GPATCH8: variants seen among roughly 807,000 people sequenced by gnomAD.
The protein encoded by GPATCH8 is G patch domain-containing protein 8.
GPATCH8 carries 18 observed loss-of-function variants against 118.3 expected under a neutral mutation model. That is an observed-to-expected ratio of 0.15 (90% CI 0.11 to 0.23). The LOEUF is 0.23. Among genes scored for constraint, GPATCH8 ranks in the 10% least tolerant of loss-of-function variants. The pLI is 1.00. For synonymous variants in GPATCH8, 659 were observed against 684.7 expected (o/e 0.96, Z 0.59); for missense variants, 1,631 against 1,873.8 (o/e 0.87, Z 2.39).
intron 3 of GPATCH8, among the ~76,000 whole-genome samples, chr17:44,453,971 G>C (rs760131379): frequency 2.6e-5 from 4 of 151,510 alleles, no homozygotes; most frequent in Admixed American, 6.6e-5. Flanking sequence ...GTTAAAAAAC[G>C]CATAAAATCC....
At chr17:44,477,947 T>C (rs1967909086) in intron 1 of GPATCH8, among the ~76,000 whole-genome samples, 1 of 151,036 alleles carries the variant, frequency 6.6e-6, no homozygotes, top group South Asian at 2.1e-4. Flanking sequence ...GTAGCTGGGA[T>C]TACAGGCACA....
At chr17:44,480,849 T>A (rs964179244) in intron 1 of GPATCH8, among the ~76,000 whole-genome samples, 1 of 151,840 alleles carries the variant, frequency 6.6e-6, no homozygotes, top group South Asian at 2.1e-4. Context: ...CCAACCTGGG[T>A]GACAGAGTGA....
chr17:44,475,031 GTTCA>G (rs1967627898), intron 1 of GPATCH8, 128 bp from the exon 2 acceptor site: 3 of 657,226 alleles, frequency 4.6e-6, no homozygotes, highest in Non-Finnish European at 8.2e-6. Context: ...CACTGCAATC[GTTCA>G]TTTTCAGTAC....
chr17:44,501,859 A>G (rs1219112324), intron 1 of GPATCH8, among the ~76,000 whole-genome samples: 4 of 152,146 alleles, frequency 2.6e-5, no homozygotes, highest in African/African-American at 9.7e-5. Context: ...TCTACCGGTA[A>G]TTTAAAAATC....
intron 3 of GPATCH8, among the ~76,000 whole-genome samples, chr17:44,463,444 G>C (rs1455298517): frequency 6.6e-6 from 1 of 152,116 alleles, no homozygotes; most frequent in African/African-American, 2.4e-5. Context: ...TGGAGTACAG[G>C]TGCACGATCT....
chr17:44,502,390 G>A (rs190638672), intron 1 of GPATCH8, among the ~76,000 whole-genome samples: 1 of 149,330 alleles, frequency 6.7e-6, no homozygotes, highest in African/African-American at 2.5e-5. Flanking sequence ...CTCTACGGAT[G>A]TATTTTACCT....
At chr17:44,449,641 C>T (rs1322689011) in intron 3 of GPATCH8, among the ~76,000 whole-genome samples, 4 of 151,996 alleles carry the variant, frequency 2.6e-5, no homozygotes, top group African/African-American at 7.2e-5. Flanking sequence ...CTCAGCCTCC[C>T]GAGTAGCTGG....
chr17:44,447,746 C>T (rs1477482850), intron 3 of GPATCH8, among the ~76,000 whole-genome samples: 1 of 151,940 alleles, frequency 6.6e-6, no homozygotes, highest in Non-Finnish European at 1.5e-5. Flanking sequence ...CCTGCCTTAA[C>T]CTCCCAAGTA....
rs754836748 is a variant in GPATCH8, at chr17:44,399,956, T to C, written c.2121A>G (p.Lys707=). Residue 707 remains lysine (K), a synonymous_variant, in exon 8 of 8, where the codon AAA becomes AAG. Transcript: ENST00000591680. ...EKSSKAESGE[K]SKKRKKRKRK... ...GTTTTCGTTTCTTGCGCTTCTTAGA[T>C]TTCTCCCCTGACTCTGCCTTAGAGC... 6.2e-7 allele frequency: 1 copy of C among 1,614,122 alleles called. No individual in the cohort carries two copies. Among genetic ancestry groups the C allele is most frequent in the Non-Finnish European group, 8.5e-7 (1 of 1,180,014 alleles).
chr17:44,434,273 A>G (rs1364208333), intron 5 of GPATCH8, among the ~76,000 whole-genome samples: 1 of 152,010 alleles, frequency 6.6e-6, no homozygotes, highest in Non-Finnish European at 1.5e-5. Context: ...TAGGCTGAAG[A>G]GTGAATAAAG....
intron 3 of GPATCH8, among the ~76,000 whole-genome samples, chr17:44,462,800 G>A (rs2051608060): frequency 6.6e-6 from 1 of 151,904 alleles, no homozygotes; most frequent in Non-Finnish European, 1.5e-5. Context: ...GGCTAACACG[G>A]TGAAACCCCG....
intron 3 of GPATCH8, among the ~76,000 whole-genome samples, chr17:44,455,670 A>G (rs1479154087): frequency 6.6e-6 from 1 of 152,216 alleles, no homozygotes; most frequent in South Asian, 2.1e-4. Context: ...GGAAAGTAAG[A>G]TAGAAAGACA....
chr17:44,468,593 TA>T (rs943055269), intron 2 of GPATCH8, among the ~76,000 whole-genome samples: 3 of 151,458 alleles, frequency 2.0e-5, no homozygotes, highest in African/African-American at 7.3e-5. Context: ...AAAATAATTT[TA>T]AAAAAAAGTA....
At chr17:44,461,436 A>C (rs2051545210) in intron 3 of GPATCH8, among the ~76,000 whole-genome samples, 1 of 151,916 alleles carries the variant, frequency 6.6e-6, no homozygotes, top group Non-Finnish European at 1.5e-5. Context: ...CTTCTGCCTC[A>C]GCTTCCCAAA....
intron 6 of GPATCH8, among the ~76,000 whole-genome samples, chr17:44,423,847 T>TA (rs2143897905): frequency 1.3e-5 from 2 of 152,332 alleles, no homozygotes; most frequent in African/African-American, 4.8e-5. Flanking sequence ...TTGTTAAAGT[T>TA]AAGATAGCAT....
In GPATCH8 at chr17:44,397,864, C is replaced by G; in HGVS notation, c.4213G>C (p.Val1405Leu). ...AGATGGGGCTGGGGAATATGATGCA[C>G]CTGGGCAAGTGGTTGGGGATGGGGG... ...PHPHPQPLAQ[V>L]HHIPQPHLTP... The change falls in exon 8 of 8, where the codon GTG (valine) becomes CTG (leucine). Residue 1405 changes from valine to leucine, a missense_variant. Transcript: ENST00000591680. The G allele has an allele frequency of 6.2e-7, 1 of 1,607,762 alleles. No individual in the cohort carries two copies. The highest frequency in any genetic ancestry group is 8.5e-7 in the Non-Finnish European group (1 of 1,175,336).
chr17:44,433,144 C>A (rs904195822), intron 5 of GPATCH8, among the ~76,000 whole-genome samples: 2 of 152,030 alleles, frequency 1.3e-5, no homozygotes, highest in Non-Finnish European at 2.9e-5. Flanking sequence ...ATTCTATTAC[C>A]AGGGAGAGAG....
At chr17:44,463,245 T>C (rs780465041) in intron 3 of GPATCH8, among the ~76,000 whole-genome samples, 7 of 152,036 alleles carry the variant, frequency 4.6e-5, no homozygotes, top group African/African-American at 1.4e-4. Flanking sequence ...CACACTTGAA[T>C]TGATCAGACT....
chr17:44,413,767 G>A lies in GPATCH8; in HGVS notation c.493-7716C>T, dbSNP rs201578194. Among the ~76,000 whole-genome samples the A allele has an allele frequency of 2.0e-4, 30 of 152,096 alleles. No homozygotes were observed. In the East Asian group the frequency reaches 3.3e-3, roughly 17 times the overall value. ...CCCAGGTAGCTGGAATTACAGGCACGTGCCACCATACCTGGCTAATTTTTG... is the reference window on the plus strand; with the variant it reads ...CCCAGGTAGCTGGAATTACAGGCACATGCCACCATACCTGGCTAATTTTTG... On this transcript the variant is annotated intron_variant, in intron 6 of 7. Coordinates refer to ENST00000591680, the MANE Select transcript of GPATCH8 (RefSeq NM_001002909.4).
Sources: allele counts gnomAD v4.1 joint callset (sites outside exome capture counted in the v4.1 genomes callset), GRCh38; gene constraint gnomAD v4.1.1; transcripts MANE v1.5; gene names NCBI Gene and HGNC (gene_info 2026-07-23, HGNC 2026-07-21).